The following NAALADL2 variants were observed in gnomAD, a reference collection of about 807,000 sequenced individuals.
The protein encoded by NAALADL2 is N-acetylated alpha-linked acidic dipeptidase like 2, also known as inactive N-acetylated-alpha-linked acidic dipeptidase-like protein 2.
NAALADL2 carries 76 observed loss-of-function variants against 87.2 expected under a neutral mutation model. That is an observed-to-expected ratio of 0.87 (90% CI 0.72 to 1.05). The LOEUF (loss-of-function observed/expected upper bound fraction) is 1.05, where lower values mean the gene tolerates loss of function less well. Ranked by LOEUF, NAALADL2 falls within the 50% of genes least tolerant of loss-of-function variation. The pLI is 0.00. For synonymous variants in NAALADL2, 354 were observed against 331.0 expected (o/e 1.07, Z -0.75); for missense variants, 1,089 against 945.8 (o/e 1.15, Z -1.99).
rs918533517 is a variant in NAALADL2 at position 175,332,331 on chromosome 3, G to A, written c.1090+8006G>A. 2.0e-5 allele frequency among the ~76,000 whole-genome samples: 3 copies of A among 152,272 alleles called. No individual in the cohort carries two copies. In the East Asian group the frequency reaches 5.8e-4, roughly 29 times the overall value. ...CACCTGACTTCAAAGTATATTACAA[G>A]CATATAGTAAACGAAACAATACGGT... On this transcript the variant is annotated intron_variant, in intron 5 of 13. Coordinates refer to ENST00000454872, the MANE Select transcript of NAALADL2 (RefSeq NM_207015.3).
chr3:175,695,415 G>T (rs2149934613), intron 11 of NAALADL2, among the ~76,000 whole-genome samples: 1 of 151,588 alleles, frequency 6.6e-6, no homozygotes, highest in East Asian at 1.9e-4. Flanking sequence ...TCAAACTGTA[G>T]ATGCCACATC....
chr3:175,644,056 T>G (rs1033268201), intron 11 of NAALADL2, among the ~76,000 whole-genome samples: 6 of 152,090 alleles, frequency 3.9e-5, no homozygotes, highest in Non-Finnish European at 7.4e-5. Context: ...GCTAATGAAG[T>G]TGAGTGCCAT....
intron 1 of NAALADL2, among the ~76,000 whole-genome samples, chr3:174,900,428 G>T (rs1486495834): frequency 6.6e-6 from 1 of 151,934 alleles, no homozygotes; most frequent in Non-Finnish European, 1.5e-5. Flanking sequence ...GTACACTGGT[G>T]GTAGTTAGGA....
At chr3:174,775,534 G>T (rs1343084299) in intron 3 of NAALADL2, among the ~76,000 whole-genome samples, 7 of 152,128 alleles carry the variant, frequency 4.6e-5, no homozygotes, top group African/African-American at 1.7e-4. Flanking sequence ...TCTATTGCAA[G>T]TTGGGTTCTC....
chr3:175,437,341 C>T (rs1366745085), intron 5 of NAALADL2, among the ~76,000 whole-genome samples: 2 of 145,198 alleles, frequency 1.4e-5, no homozygotes, highest in East Asian at 2.0e-4. Flanking sequence ...GAGTGAACTC[C>T]CATTCACAAT....
chr3:175,355,758 A>G (rs1764293017), intron 5 of NAALADL2, among the ~76,000 whole-genome samples: 2 of 152,172 alleles, frequency 1.3e-5, no homozygotes, highest in South Asian at 4.1e-4. Context: ...CCTTGCTTCC[A>G]ATGTGAGTGT....
At chr3:175,440,537 G>A (rs1719553764) in intron 5 of NAALADL2, among the ~76,000 whole-genome samples, 1 of 152,008 alleles carries the variant, frequency 6.6e-6, no homozygotes, top group African/African-American at 2.4e-5. Context: ...GTTTCCATTT[G>A]TTTGTGTCAT....
At chr3:175,008,865 C>T (rs79444408) in intron 1 of NAALADL2, among the ~76,000 whole-genome samples, 4,115 of 152,086 alleles carry the variant, frequency 0.027, 165 homozygotes, top group African/African-American at 0.092. Flanking sequence ...GTGAGCAAAC[C>T]GAGTACCCTA....
In NAALADL2 at chr3:175,224,387, A is replaced by G. The variant is rs147442078; in HGVS notation, c.546-9544A>G. Among the ~76,000 whole-genome samples the G allele has an allele frequency of 3.9e-4, 59 of 152,304 alleles. No homozygotes were observed. In the East Asian group the frequency reaches 0.011, roughly 29 times the overall value. ...TGTGAAATGTTTGACTGTGGCCAGG[A>G]CCTGCAAAATGGCTGAGGACTTACA... is the stretch of plus-strand genomic sequence containing the variant. On this transcript the variant is annotated intron_variant, in intron 2 of 13. Transcript: ENST00000454872.
chr3:175,774,220 T>A (rs1749906690), intron 13 of NAALADL2, among the ~76,000 whole-genome samples: 3 of 152,072 alleles, frequency 2.0e-5, no homozygotes, highest in Admixed American at 2.0e-4. Context: ...CAAGTTCTTT[T>A]AACAAGACTA....
chr3:175,019,207 T>C (rs983098592), intron 1 of NAALADL2, among the ~76,000 whole-genome samples: 5 of 152,004 alleles, frequency 3.3e-5, no homozygotes, highest in Non-Finnish European at 5.9e-5. Flanking sequence ...AAGTTGTTCA[T>C]GTAAAATTGC....
chr3:175,155,975 T>G (rs140791001), intron 2 of NAALADL2, among the ~76,000 whole-genome samples: 1 of 152,186 alleles, frequency 6.6e-6, no homozygotes, highest in Admixed American at 6.6e-5. Context: ...AAACAAGTGC[T>G]TATTAAAATT....
At chr3:174,671,676 C>G (rs1482226981) in intron 2 of NAALADL2, among the ~76,000 whole-genome samples, 2 of 151,990 alleles carry the variant, frequency 1.3e-5, no homozygotes, top group Non-Finnish European at 2.9e-5. Flanking sequence ...CCCTTTACCC[C>G]CTCACCTTCT....
intron 2 of NAALADL2, among the ~76,000 whole-genome samples, chr3:174,593,862 G>A (rs1398899096): frequency 1.3e-5 from 2 of 152,130 alleles, no homozygotes; most frequent in East Asian, 3.9e-4. Context: ...GAGTAATGAT[G>A]GGTAAGCAGT....
chr3:174,701,549 A>T (rs1404771157), intron 2 of NAALADL2, among the ~76,000 whole-genome samples: 2 of 152,178 alleles, frequency 1.3e-5, no homozygotes, highest in Non-Finnish European at 2.9e-5. Context: ...ATTACAATGT[A>T]ATGAGATATT....
chr3:174,731,745 T>G (rs2108984333), intron 2 of NAALADL2, among the ~76,000 whole-genome samples: 1 of 152,304 alleles, frequency 6.6e-6, no homozygotes, highest in South Asian at 2.1e-4. Flanking sequence ...TTCAGTGTGA[T>G]GCTTGTACTG....
At chr3:175,549,029 G>A (rs186552217) in intron 9 of NAALADL2, among the ~76,000 whole-genome samples, 40 of 152,024 alleles carry the variant, frequency 2.6e-4, no homozygotes, top group Non-Finnish European at 4.3e-4. Flanking sequence ...TGCAATCTAA[G>A]AAATTCAAGC....
At chr3:174,555,879 C>T (rs557249259) in intron 2 of NAALADL2, among the ~76,000 whole-genome samples, 1 of 152,082 alleles carries the variant, frequency 6.6e-6, no homozygotes, top group South Asian at 2.1e-4. Flanking sequence ...GCTATTTTCT[C>T]AATTTCTGAC....
intron 2 of NAALADL2, among the ~76,000 whole-genome samples, chr3:175,160,045 G>A (rs1186722145): frequency 6.9e-6 from 1 of 144,932 alleles, no homozygotes; most frequent in Non-Finnish European, 1.5e-5. Context: ...CACCGTGCTG[G>A]CCAGGCTGGC....
Sources: allele counts gnomAD v4.1 joint callset (sites outside exome capture counted in the v4.1 genomes callset), GRCh38; gene constraint gnomAD v4.1.1; transcripts MANE v1.5; gene names NCBI Gene and HGNC (gene_info 2026-07-23, HGNC 2026-07-21).